SLC38A6: variants seen among roughly 807,000 people sequenced by gnomAD.
The protein encoded by SLC38A6 is N system amino acid transporter NAT-1.
In SLC38A6, 73 loss-of-function variants were observed where a neutral mutation model predicts 65.0. The observed-to-expected ratio is 1.12, with a 90% CI of 0.93 to 1.37. The LOEUF (loss-of-function observed/expected upper bound fraction) is 1.37, where lower values mean the gene tolerates loss of function less well. Among genes scored for constraint, SLC38A6 ranks in the 40% most tolerant of loss-of-function variants. The pLI is 0.00. For synonymous variants in SLC38A6, 183 were observed against 178.8 expected (o/e 1.02, Z -0.19); for missense variants, 561 against 531.1 (o/e 1.06, Z -0.55).
chr14:61,035,837 C>T (rs1179003601), intron 6 of SLC38A6, among the ~76,000 whole-genome samples: 2 of 152,232 alleles, frequency 1.3e-5, no homozygotes, highest in East Asian at 3.9e-4. Flanking sequence ...AAAATGTCTA[C>T]ATATGTATCT....
intron 6 of SLC38A6, among the ~76,000 whole-genome samples, chr14:61,034,468 G>C (rs972494157): frequency 1.1e-4 from 16 of 152,114 alleles, no homozygotes; most frequent in African/African-American, 2.4e-5. Context: ...AAAACTAACA[G>C]ATGGAATCTC....
At chr14:61,022,799 A>G (rs369427091) in intron 5 of SLC38A6, among the ~76,000 whole-genome samples, 20 of 152,178 alleles carry the variant, frequency 1.3e-4, no homozygotes, top group Admixed American at 5.2e-4. Flanking sequence ...AATTATAACA[A>G]CTCTTCAATA....
At chr14:61,074,585 C>T (rs901957445) in intron 15 of SLC38A6, among the ~76,000 whole-genome samples, 1 of 152,168 alleles carries the variant, frequency 6.6e-6, no homozygotes, top group Non-Finnish European at 1.5e-5. Context: ...AAGACCCCAT[C>T]TTGAAATACT....
At chr14:60,993,544 T>C (rs2038061527) in intron 3 of SLC38A6, among the ~76,000 whole-genome samples, 1 of 152,198 alleles carries the variant, frequency 6.6e-6, no homozygotes, top group African/African-American at 2.4e-5. Flanking sequence ...TCCCAGTTAG[T>C]AGGAGTTCTG....
intron 6 of SLC38A6, 196 bp downstream of exon 6, chr14:61,030,719 G>A (rs907621791): frequency 8.5e-5 from 40 of 472,370 alleles, no homozygotes; most frequent in Non-Finnish European, 1.4e-4. Flanking sequence ...CCATATGAAA[G>A]CGCTGTTCTG....
At chr14:61,051,758 C>A (rs757183210) in intron 13 of SLC38A6, 29 bp from the exon 14 acceptor site, 2 of 1,605,500 alleles carry the variant, frequency 1.2e-6, no homozygotes, top group Admixed American at 3.4e-5. Flanking sequence ...ATTTCCTCTT[C>A]GCTATATGTT....
chr14:60,989,746 A>G (rs2037721716), intron 3 of SLC38A6, among the ~76,000 whole-genome samples: 1 of 152,072 alleles, frequency 6.6e-6, no homozygotes, highest in African/African-American at 2.4e-5. Context: ...AGAATTATCT[A>G]AACCAGATGT....
At chr14:61,046,213 G>C (rs112465253) in intron 12 of SLC38A6, 46 bp downstream of exon 12, 2 of 1,272,458 alleles carry the variant, frequency 1.6e-6, no homozygotes. Flanking sequence ...TAGTTACATA[G>C]ATGGCCTCAC....
intron 3 of SLC38A6, among the ~76,000 whole-genome samples, chr14:61,010,536 A>C (rs567897127): frequency 1.3e-5 from 2 of 152,268 alleles, no homozygotes; most frequent in African/African-American, 4.8e-5. Flanking sequence ...TAAGTCTTTA[A>C]TCCATCTTGA....
downstream of SLC38A6, among the ~76,000 whole-genome samples, chr14:61,053,326 A>G (rs1021210826): frequency 3.9e-5 from 6 of 152,204 alleles, no homozygotes; most frequent in African/African-American, 1.4e-4. Flanking sequence ...ATAGTGCTAC[A>G]GTGAACAGTG....
intron 6 of SLC38A6, chr14:61,034,375 C>T (rs1000296054): frequency 2.0e-5 from 3 of 151,432 alleles, no homozygotes; most frequent in Admixed American, 6.6e-5. Flanking sequence ...TATTTTATTA[C>T]GGTAAGAACA....
rs185951871 is a variant in SLC38A6, at chr14:61,007,407, A to T, written c.311-8497A>T. On this transcript the variant is annotated intron_variant, in intron 3 of 15. Coordinates refer to ENST00000267488, the MANE Select transcript of SLC38A6 (RefSeq NM_153811.3). ...CACTTTGTGAGGCCAAGGTAGGAGG[A>T]TGGCTTGAGTCCAAGAGTTTGAGAT... 4.3e-3 allele frequency among the ~76,000 whole-genome samples: 648 copies of T among 152,292 alleles called. 4 individuals are homozygous for T. The highest frequency in any genetic ancestry group is 5.4e-3 in the Non-Finnish European group (364 of 68,026).
At chr14:60,986,894 G>T (rs1469852366) in intron 3 of SLC38A6, among the ~76,000 whole-genome samples, 22 of 152,196 alleles carry the variant, frequency 1.4e-4, no homozygotes, top group Admixed American at 1.4e-3. Flanking sequence ...TATTCAGTGT[G>T]TGGAGATTTC....
At chr14:61,019,512 A>G (rs1186969926) in intron 4 of SLC38A6, 29 bp from the exon 5 acceptor site, 11 of 1,609,994 alleles carry the variant, frequency 6.8e-6, no homozygotes, top group South Asian at 3.3e-5. Flanking sequence ...TTCCCCTTCT[A>G]TCTTCTGAAT....
At chr14:60,983,677 C>G (rs2037244201) in intron 2 of SLC38A6, among the ~76,000 whole-genome samples, 1 of 152,064 alleles carries the variant, frequency 6.6e-6, no homozygotes, top group South Asian at 2.1e-4. Context: ...AGCAAAGCAA[C>G]TTTTAAGTAA....
At chr14:61,051,402 G>T (rs991667336) in intron 13 of SLC38A6, among the ~76,000 whole-genome samples, 2 of 152,054 alleles carry the variant, frequency 1.3e-5, no homozygotes, top group African/African-American at 2.4e-5. Flanking sequence ...ATAGTAAGTG[G>T]TATTTCTTTC....
intron 6 of SLC38A6, among the ~76,000 whole-genome samples, chr14:61,033,431 T>G (rs2139687170): frequency 6.6e-6 from 1 of 152,240 alleles, no homozygotes; most frequent in East Asian, 1.9e-4. Flanking sequence ...GTTTTTACTC[T>G]AATTCTTTTG....
chr14:61,071,002 G>A (rs1425155330), intron 15 of SLC38A6, among the ~76,000 whole-genome samples: 1 of 152,026 alleles, frequency 6.6e-6, no homozygotes, highest in East Asian at 1.9e-4. Flanking sequence ...TTTTTATTCT[G>A]TTGATTATTT....
chr14:60,981,631 G>A (rs1345603513), intron 1 of SLC38A6: 4 of 1,456,392 alleles, frequency 2.7e-6, no homozygotes, highest in African/African-American at 2.8e-5. Flanking sequence ...ATGCAGCGTT[G>A]AGTGGAAGCT....
Sources: gnomAD v4.1 joint callset for allele counts (sites outside exome capture counted in the v4.1 genomes callset) on GRCh38, gnomAD v4.1.1 for gene constraint, MANE v1.5 for transcripts, NCBI Gene and HGNC (gene_info 2026-07-23, HGNC 2026-07-21) for gene names.